Variants in SPRING1 observed in about 807,000 individuals in gnomAD.
The protein encoded by SPRING1 is SREBF pathway regulator in golgi 1.
Under a neutral mutation model 24.7 loss-of-function variants are expected in SPRING1, and 14 were observed. The observed-to-expected ratio is 0.57, with a 90% CI of 0.37 to 0.88. The LOEUF is 0.88. Ranked by LOEUF, SPRING1 falls within the 40% of genes least tolerant of loss-of-function variation. The pLI, the probability that SPRING1 is intolerant of heterozygous loss-of-function variation, is 0.00. For missense variants in SPRING1, 255 were observed against 268.4 expected, an observed-to-expected ratio of 0.95 and a Z score of 0.35; for synonymous variants, 93 against 106.1, an observed-to-expected ratio of 0.88 and a Z score of 0.76.
rs939171693 is a variant in SPRING1, at chr12:116,712,558, A to G, written c.*5252T>C. The G allele has an allele frequency of 2.0e-5, 3 of 152,094 alleles. No homozygotes were observed. The highest frequency in any genetic ancestry group is 2.9e-5 in the Non-Finnish European group (2 of 68,014). 9.4% of individuals were successfully genotyped at this position (152,094 alleles called of 1,614,324 possible). A position where few individuals can be genotyped will look rare whatever the true frequency, so the allele number is the denominator to read the frequency against. ...GCCAGAGGCGGGGAAAGCTTCTCGGAGTCCCACTATCTTCTTTGTTTTTAT... is the reference window on the plus strand; with the variant it reads ...GCCAGAGGCGGGGAAAGCTTCTCGGGGTCCCACTATCTTCTTTGTTTTTAT... On this transcript the variant is annotated 3_prime_UTR_variant, in exon 5 of 5. Coordinates refer to ENST00000261318, the MANE Select transcript of SPRING1 (RefSeq NM_024738.4).
rs1411159436 is a variant in SPRING1, at chr12:116,720,245, C to G, written c.420+51G>C. Reference sequence around the variant, plus strand: ...GAAGAGCCTAATGCTCATCATAAAACAGAGGCCGAAAGAAAAAAGGAGCCG... The same window carrying G: ...GAAGAGCCTAATGCTCATCATAAAAGAGAGGCCGAAAGAAAAAAGGAGCCG... On this transcript the variant is annotated intron_variant, in intron 3 of 4. Transcript: ENST00000261318. The surrounding 1 kb of genome is among the most constrained non-coding windows in gnomAD (Gnocchi z 4.0). The G allele has an allele frequency of 6.5e-7, 1 of 1,549,688 alleles. No individual in the cohort carries two copies. Among genetic ancestry groups the G allele is most frequent in the African/African-American group, 1.4e-5 (1 of 72,110 alleles).
rs774225642 is a variant in SPRING1 at position 116,717,852 on chromosome 12, C to G, written c.576G>C (p.Lys192Asn). Residue 192 changes from lysine (K) to asparagine (N), a missense_variant, in exon 5 of 5, where the codon AAG becomes AAC. Lys to Asn is a moderately conservative substitution (Grantham distance 94, BLOSUM62 0). Coordinates refer to ENST00000261318, the MANE Select transcript of SPRING1 (RefSeq NM_024738.4). The surrounding 1 kb of genome is among the most constrained non-coding windows in gnomAD (Gnocchi z 4.2). Reference sequence around the variant, plus strand: ...CGGGCGGGCTTTCTCCATAGCAATACTTTGCTATGGGGTCCCGGTAGGTGT... The same window carrying G: ...CGGGCGGGCTTTCTCCATAGCAATAGTTTGCTATGGGGTCCCGGTAGGTGT... Reference protein sequence around the residue: ...HENTYRDPIAKYCYGESPPEL... With the variant: ...HENTYRDPIANYCYGESPPEL... 1.9e-6 allele frequency: 3 copies of G among 1,608,726 alleles called. No individual in the cohort carries two copies. The highest frequency in any genetic ancestry group is 1.7e-6 in the Non-Finnish European group (2 of 1,177,562).
Position 116,720,647 on chromosome 12 carries a change from C to T in SPRING1, c.269-200G>A, listed in dbSNP as rs949789032. On this transcript the variant is annotated intron_variant, in intron 2 of 4. Coordinates refer to ENST00000261318, the MANE Select transcript of SPRING1 (RefSeq NM_024738.4). The surrounding 1 kb of genome is among the most constrained non-coding windows in gnomAD (Gnocchi z 4.0). ...GGCAGTCGTTTCCAGGAAGCAGGCA[C>T]TCCCCTGTTATCGCCAGGCTACACG... is the stretch of plus-strand genomic sequence containing the variant. 6.4e-5 allele frequency among the ~76,000 whole-genome samples: 9 copies of T among 141,518 alleles called. No homozygotes were observed. The highest frequency in any genetic ancestry group is 2.3e-4 in the African/African-American group (9 of 39,186). The allele number at this position is 141,518 out of a possible 152,430, so 92.8% of individuals were successfully genotyped here.
intron 1 of SPRING1, among the ~76,000 whole-genome samples, chr12:116,729,472 A>G (rs1487074930): frequency 6.6e-6 from 1 of 152,242 alleles, no homozygotes; most frequent in Non-Finnish European, 1.5e-5. Flanking sequence ...TGCCACTCCT[A>G]GGAATATACC....
rs1457288242 is a variant in SPRING1, at chr12:116,712,555, C to T, written c.*5255G>A. 1 of 152,108 alleles carries T rather than the reference C, an allele frequency of 6.6e-6. No individual in the cohort carries two copies. The highest frequency in any genetic ancestry group is 1.5e-5 in the Non-Finnish European group (1 of 68,024). The allele number at this position is 152,108 out of a possible 1,614,324, so 9.4% of individuals were successfully genotyped here. On this transcript the variant is annotated 3_prime_UTR_variant, in exon 5 of 5. Transcript: ENST00000261318. ...CAGGCCAGAGGCGGGGAAAGCTTCT[C>T]GGAGTCCCACTATCTTCTTTGTTTT...
At position 116,720,149 on chromosome 12, in the gene SPRING1, A is replaced by T. The variant is rs1244538429; in HGVS notation, c.420+147T>A. Reference sequence around the variant, plus strand: ...GAACCACCTCCTTTCCTTAGATAAAAGCTATTGTGCAGCAATTTCTGACAC... The same window carrying T: ...GAACCACCTCCTTTCCTTAGATAAATGCTATTGTGCAGCAATTTCTGACAC... On this transcript the variant is annotated intron_variant, in intron 3 of 4. Transcript: ENST00000261318. This position sits in a 1 kb window ranked among gnomAD's most constrained non-coding sequence, Gnocchi z 4.0. The T allele has an allele frequency of 9.3e-7, 1 of 1,073,832 alleles. No homozygotes were observed. Among genetic ancestry groups the T allele is most frequent in the African/African-American group, 1.6e-5 (1 of 62,198 alleles). The allele number at this position is 1,073,832 out of a possible 1,614,324, so 66.5% of individuals were successfully genotyped here.
intron 4 of SPRING1, among the ~76,000 whole-genome samples, chr12:116,718,562 T>A (rs1042076975): frequency 6.6e-6 from 1 of 152,232 alleles, no homozygotes; most frequent in African/African-American, 2.4e-5. Flanking sequence ...TTAACAGACA[T>A]ATAGCCAAGT....
chr12:116,729,108 G>A (rs1055076772), intron 1 of SPRING1, among the ~76,000 whole-genome samples: 1 of 152,182 alleles, frequency 6.6e-6, no homozygotes, highest in Non-Finnish European at 1.5e-5. Context: ...ATAGTAAGGA[G>A]AGGGGCAATG....
Position 116,715,654 on chromosome 12 carries a change from C to G in SPRING1, c.*2156G>C, listed in dbSNP as rs1279913622. 1 of 151,742 alleles carries G rather than the reference C, an allele frequency of 6.6e-6. No individual in the cohort carries two copies. The highest frequency in any genetic ancestry group is 1.5e-5 in the Non-Finnish European group (1 of 68,058). 9.4% of individuals were successfully genotyped at this position (151,742 alleles called of 1,614,324 possible). A position where few individuals can be genotyped will look rare whatever the true frequency, so the allele number is the denominator to read the frequency against. Reference sequence around the variant, plus strand: ...AATATATCTGCTCTCAGGGGAGACGCCCACGGTGTCAGGGCTGGAGTTGGC... The same window carrying G: ...AATATATCTGCTCTCAGGGGAGACGGCCACGGTGTCAGGGCTGGAGTTGGC... On this transcript the variant is annotated 3_prime_UTR_variant, in exon 5 of 5. Coordinates refer to ENST00000261318, the MANE Select transcript of SPRING1 (RefSeq NM_024738.4).
intron 1 of SPRING1, among the ~76,000 whole-genome samples, chr12:116,736,452 C>T (rs1004883049): frequency 1.9e-4 from 29 of 152,222 alleles, no homozygotes; most frequent in Admixed American, 4.6e-4. Flanking sequence ...CAACACTCAG[C>T]CTCTCTGTTT....
chr12:116,719,187 A>C (rs1870299914), intron 4 of SPRING1, among the ~76,000 whole-genome samples: 1 of 152,220 alleles, frequency 6.6e-6, no homozygotes, highest in African/African-American at 2.4e-5. Context: ...AAGGCAAAAG[A>C]CTTTCAGATG....
chr12:116,720,674 C>T lies in SPRING1; in HGVS notation c.269-227G>A, dbSNP rs1018424905. Among the ~76,000 whole-genome samples the T allele has an allele frequency of 1.3e-5, 2 of 152,168 alleles. No individual in the cohort carries two copies. Among genetic ancestry groups the T allele is most frequent in the Non-Finnish European group, 2.9e-5 (2 of 68,044 alleles). On this transcript the variant is annotated intron_variant, in intron 2 of 4. Transcript: ENST00000261318. This position sits in a 1 kb window ranked among gnomAD's most constrained non-coding sequence, Gnocchi z 4.0. ...CCCCTGTTATCGCCAGGCTACACGT[C>T]GGAACCTACCTACACCTACTGTTTA...
At position 116,720,522 on chromosome 12, in the gene SPRING1, G is replaced by C; in HGVS notation, c.269-75C>G. On this transcript the variant is annotated intron_variant, in intron 2 of 4. Transcript: ENST00000261318. This position sits in a 1 kb window ranked among gnomAD's most constrained non-coding sequence, Gnocchi z 4.0. ...CCCTACCAGGGATGACCATGAAGCA[G>C]CAGTGAAAGTACACAGACAGAAGCT... 4 of 1,561,478 alleles carry C rather than the reference G, an allele frequency of 2.6e-6. No individual in the cohort carries two copies. The highest frequency in any genetic ancestry group is 3.5e-6 in the Non-Finnish European group (4 of 1,147,378).
chr12:116,724,103 G>A (rs1870569299), intron 1 of SPRING1, among the ~76,000 whole-genome samples: 1 of 152,174 alleles, frequency 6.6e-6, no homozygotes, highest in African/African-American at 2.4e-5. Context: ...ATAAAACAAT[G>A]ATGGACTTGA....
chr12:116,719,790 G>C lies in SPRING1; in HGVS notation c.507C>G (p.Cys169Trp). 6.2e-7 allele frequency: 1 copy of C among 1,614,150 alleles called. No homozygotes were observed. The highest frequency in any genetic ancestry group is 8.5e-7 in the Non-Finnish European group (1 of 1,180,004). ...GAGATGAGGTCCTGCATTTGGCCAG[G>C]CACAACTCAAAGTGATCTTCGACTG... ...FMAVEDHFEL[C>W]LAKCRTSSQS... Residue 169 changes from cysteine (C) to tryptophan (W), a missense_variant, in exon 4 of 5, where the codon TGC (cysteine) becomes TGG (tryptophan). Physicochemically the swap from Cys to Trp is radical, Grantham distance 215 (BLOSUM62 -2). Transcript: ENST00000261318.
intron 1 of SPRING1, among the ~76,000 whole-genome samples, chr12:116,733,088 G>A (rs1404342487): frequency 6.6e-6 from 1 of 152,192 alleles, no homozygotes; most frequent in East Asian, 1.9e-4. Context: ...CGTTTTAAGT[G>A]TTACTGAAGG....
At chr12:116,729,382 G>GCA (rs1322187468) in intron 1 of SPRING1, among the ~76,000 whole-genome samples, 1 of 152,332 alleles carries the variant, frequency 6.6e-6, no homozygotes, top group Non-Finnish European at 1.5e-5. Flanking sequence ...AAAGTTCACT[G>GCA]CACACAGTGC....
At chr12:116,737,024 C>T (rs1871256383) in intron 1 of SPRING1, among the ~76,000 whole-genome samples, 1 of 152,172 alleles carries the variant, frequency 6.6e-6, no homozygotes, top group Non-Finnish European at 1.5e-5. Context: ...AGGCCTGCTG[C>T]GAAGATGAAG....
At chr12:116,734,212 C>T (rs1871123832) in intron 1 of SPRING1, among the ~76,000 whole-genome samples, 1 of 152,100 alleles carries the variant, frequency 6.6e-6, no homozygotes, top group South Asian at 2.1e-4. Flanking sequence ...TTTACTGTAC[C>T]TTTTCTATGT....
Sources: gnomAD v4.1 joint callset for allele counts (sites outside exome capture counted in the v4.1 genomes callset) on GRCh38, gnomAD v4.1.1 for gene constraint, Gnocchi (gnomAD v3.1) non-coding constraint, MANE v1.5 for transcripts, NCBI Gene and HGNC (gene_info 2026-07-23, HGNC 2026-07-21) for gene names.